The following ZNF324B variants were observed in gnomAD, a reference collection of about 807,000 sequenced individuals.
The protein encoded by ZNF324B is zinc finger protein 324B.
A neutral mutation model predicts 10.6 loss-of-function variants in ZNF324B; 7 were observed. The observed-to-expected ratio is 0.66, with a 90% CI of 0.38 to 1.24. The LOEUF is 1.24. ZNF324B is among the 50% of genes most tolerant of loss of function. ZNF324B has a pLI of 0.02. For synonymous variants in ZNF324B, 316 were observed against 321.0 expected (o/e 0.98, Z 0.17); for missense variants, 640 against 764.7 (o/e 0.84, Z 1.92).
chr19:58,418,979 A>G, the ZNF324B span: 3 of 152,162 alleles, frequency 2.0e-5, no homozygotes, highest in African/African-American at 7.2e-5. Context: ...CGGCACTATC[A>G]CCGTAAGTTG....
At chr19:58,418,787 T>C in the ZNF324B span, 2 of 152,186 alleles carry the variant, frequency 1.3e-5, no homozygotes, top group Non-Finnish European at 2.9e-5. Flanking sequence ...TTTTAAAAAT[T>C]TGTATAGAGA....
chr19:58,427,349 CCTTTCTTTCTTTCTTTCTTT>C, the ZNF324B span, among the ~76,000 whole-genome samples: 26 of 55,954 alleles, frequency 4.6e-4, no homozygotes, highest in East Asian at 1.7e-3. Flanking sequence ...CTTTCTCTTT[CCTTTCTTTCTTTCTTTCTTT>C]CTTTCTTTCT....
At chr19:58,440,069 G>A in the ZNF324B span, 4 of 515,758 alleles carry the variant, frequency 7.8e-6, 1 homozygote, top group Middle Eastern at 9.5e-4. Context: ...CGCGGTGACG[G>A]TCCCTGCACC....
the ZNF324B span, chr19:58,433,660 C>A: frequency 6.2e-7 from 1 of 1,614,160 alleles, no homozygotes; most frequent in South Asian, 1.1e-5. Context: ...AGGCTTTTCT[C>A]CAGTATGAAC....
At chr19:58,433,093 C>A in the ZNF324B span, 5 of 507,542 alleles carry the variant, frequency 9.9e-6, no homozygotes, top group Middle Eastern at 5.2e-4. Context: ...AGGACTGCTG[C>A]AAATTTTTGG....
chr19:58,444,554 T>C, the ZNF324B span: 1 of 152,090 alleles, frequency 6.6e-6, no homozygotes, highest in African/African-American at 2.4e-5. Context: ...ATTTGAGGAG[T>C]ATGGGCATAG....
chr19:58,447,594 C>T (rs2052833613), upstream of ZNF324B, among the ~76,000 whole-genome samples: 1 of 152,148 alleles, frequency 6.6e-6, no homozygotes, highest in South Asian at 2.1e-4. Flanking sequence ...TGAGATTGGA[C>T]ATGATGGGTC....
At chr19:58,424,535 AACT>A in the ZNF324B span, among the ~76,000 whole-genome samples, 20 of 152,350 alleles carry the variant, frequency 1.3e-4, no homozygotes, top group African/African-American at 3.4e-4. Flanking sequence ...GATGAGATAC[AACT>A]ACTACACATT....
the ZNF324B span, chr19:58,440,059 C>T: frequency 3.8e-6 from 2 of 529,360 alleles, no homozygotes; most frequent in East Asian, 7.1e-5. Flanking sequence ...CGTGTGAAGG[C>T]GCGGTGACGG....
chr19:58,443,299 G>A, the ZNF324B span: 1 of 152,242 alleles, frequency 6.6e-6, no homozygotes, highest in Non-Finnish European at 1.5e-5. Context: ...TAGACACAGA[G>A]CGCTGATTGG....
intron 1 of ZNF324B, among the ~76,000 whole-genome samples, chr19:58,452,985 G>A (rs2052875731): frequency 1.3e-5 from 2 of 152,032 alleles, no homozygotes; most frequent in South Asian, 4.1e-4. Context: ...TGAGGCAGGA[G>A]AATGGCGTGA....
the ZNF324B span, among the ~76,000 whole-genome samples, chr19:58,428,020 G>A: frequency 3.3e-5 from 5 of 152,222 alleles, no homozygotes; most frequent in African/African-American, 1.2e-4. Context: ...GAGTAGGGTA[G>A]GTATCCCCCA....
At chr19:58,435,259 A>G in the ZNF324B span, 1 of 1,566,264 alleles carries the variant, frequency 6.4e-7, no homozygotes, top group Non-Finnish European at 8.7e-7. Flanking sequence ...CTTGGTGGGA[A>G]TGGTTGACTT....
In ZNF324B at chr19:58,455,795, C is replaced by G. The variant is rs771706223; in HGVS notation, c.851C>G (p.Pro284Arg). ...KHLRTHTGER[P>R]YECTQCGKAF... ...CTACGCACCCACACCGGGGAGCGGCCCTACGAGTGCACCCAGTGCGGCAAG... is the reference window on the plus strand; with the variant it reads ...CTACGCACCCACACCGGGGAGCGGCGCTACGAGTGCACCCAGTGCGGCAAG... The change falls in exon 4 of 4, where the codon CCC becomes CGC. Residue 284 changes from proline (P) to arginine (R), a missense_variant. Coordinates refer to ENST00000336614, the MANE Select transcript of ZNF324B (RefSeq NM_207395.3). The surrounding 1 kb of genome is among the most constrained non-coding windows in gnomAD (Gnocchi z 7.0). The G allele has an allele frequency of 1.2e-6, 2 of 1,614,152 alleles. No individual in the cohort carries two copies. The highest frequency in any genetic ancestry group is 1.7e-6 in the Non-Finnish European group (2 of 1,180,020).
the ZNF324B span, chr19:58,445,653 A>G: frequency 2.9e-6 from 1 of 350,368 alleles, no homozygotes; most frequent in East Asian, 8.1e-5. Context: ...CCTCTTTACA[A>G]AAAATACAAA....
At chr19:58,437,211 G>T in the ZNF324B span, 3 of 1,589,750 alleles carry the variant, frequency 1.9e-6, no homozygotes, top group African/African-American at 2.7e-5. Context: ...GGGCCAAGAA[G>T]TATGCTGACA....
chr19:58,433,056 G>T, the ZNF324B span: 1 of 373,508 alleles, frequency 2.7e-6, no homozygotes, highest in Non-Finnish European at 4.9e-6. Flanking sequence ...GAAGGCTCAG[G>T]GTACTGTTTT....
chr19:58,427,429 T>TTCCTTTCCTTTC, the ZNF324B span, among the ~76,000 whole-genome samples: 1 of 31,548 alleles, frequency 3.2e-5, no homozygotes. Context: ...CTTCCTTCCT[T>TTCCTTTCCTTTC]CCTTCCTTCC....
chr19:58,423,169 G>GT, the ZNF324B span, among the ~76,000 whole-genome samples: 6 of 151,238 alleles, frequency 4.0e-5, no homozygotes, highest in East Asian at 1.9e-4. Flanking sequence ...ACACCCGGCT[G>GT]TTTTTTTTGA....
Sources: gnomAD v4.1 joint callset for allele counts (sites outside exome capture counted in the v4.1 genomes callset) on GRCh38, gnomAD v4.1.1 for gene constraint, Gnocchi (gnomAD v3.1) non-coding constraint, MANE v1.5 for transcripts, NCBI Gene and HGNC (gene_info 2026-07-23, HGNC 2026-07-21) for gene names.